RBFOX1: variants seen among roughly 807,000 people sequenced by gnomAD.
RBFOX1 encodes the protein RNA binding protein fox-1 homolog 1.
A neutral mutation model predicts 57.7 loss-of-function variants in RBFOX1; 8 were observed. The ratio of observed to expected loss-of-function variants is 0.14; its 90% CI spans 0.08 to 0.25. The LOEUF is 0.25. RBFOX1 is among the 10% of genes least tolerant of loss of function. The pLI is 1.00. For synonymous variants in RBFOX1, 326 were observed against 222.4 expected, an observed-to-expected ratio of 1.47 and a Z score of -4.15; for missense variants, 611 against 548.5, an observed-to-expected ratio of 1.11 and a Z score of -1.14.
chr16:7,423,237 G>A (rs1201810139), intron 4 of RBFOX1, among the ~76,000 whole-genome samples: 3 of 152,110 alleles, frequency 2.0e-5, no homozygotes, highest in Admixed American at 1.3e-4. Context: ...TGGGGTACCT[G>A]TATCCAACCC....
At position 6,658,371 on chromosome 16, in the gene RBFOX1, G is replaced by A. The variant is rs570318522; in HGVS notation, c.-16+3721G>A. Among the ~76,000 whole-genome samples, 7 of 151,906 alleles carry A rather than the reference G, an allele frequency of 4.6e-5. No individual in the cohort carries two copies. In the South Asian group the frequency reaches 8.3e-4, roughly 18 times the overall value. Reference sequence around the variant, plus strand: ...TTCTCCTGCCTCAGCCTCCTGCCTGGCTAATTTTTGTATTCTTAGTAGAGG... The same window carrying A: ...TTCTCCTGCCTCAGCCTCCTGCCTGACTAATTTTTGTATTCTTAGTAGAGG... On this transcript the variant is annotated intron_variant, in intron 3 of 15. Transcript: ENST00000550418.
intron 4 of RBFOX1, among the ~76,000 whole-genome samples, chr16:6,012,912 A>G (rs1175101300): frequency 2.0e-5 from 3 of 152,236 alleles, no homozygotes; most frequent in African/African-American, 4.8e-5. Flanking sequence ...TGTGATAACA[A>G]TCTTCTAGAT....
At chr16:6,751,500 G>T (rs1183433653) in intron 3 of RBFOX1, among the ~76,000 whole-genome samples, 2 of 152,174 alleles carry the variant, frequency 1.3e-5, no homozygotes, top group African/African-American at 2.4e-5. Flanking sequence ...GCAACTCTTT[G>T]CCTCACTTGT....
intron 5 of RBFOX1, among the ~76,000 whole-genome samples, chr16:7,566,204 A>G (rs776961319): frequency 2.6e-5 from 4 of 152,132 alleles, no homozygotes; most frequent in Non-Finnish European, 5.9e-5. Flanking sequence ...TGAGGGCTTA[A>G]CAGAGGTCAA....
chr16:7,040,183 C>A (rs1042028478), intron 3 of RBFOX1, among the ~76,000 whole-genome samples: 2 of 151,776 alleles, frequency 1.3e-5, no homozygotes, highest in African/African-American at 4.8e-5. Flanking sequence ...ACCATGCTAG[C>A]TAGTTTTCTG....
intron 1 of RBFOX1, among the ~76,000 whole-genome samples, chr16:6,228,019 C>G (rs2097430400): frequency 6.6e-6 from 1 of 152,088 alleles, no homozygotes; most frequent in Non-Finnish European, 1.5e-5. Flanking sequence ...TTCAAACTAG[C>G]CAGGGATATG....
At position 7,218,628 on chromosome 16, in the gene RBFOX1, C is replaced by CTGTGTGTGTG. The variant is rs60333818; in HGVS notation, c.27+166574_27+166583dup. On this transcript the variant is annotated intron_variant, in intron 4 of 15. Coordinates refer to ENST00000550418, the MANE Select transcript of RBFOX1 (RefSeq NM_018723.4). The stretch of plus-strand genomic sequence containing the variant: ...TTGACTTAGGGTTTGTGGGGGTTTG[C>CTGTGTGTGTG]TGTGTGTGTGTGTGTGTGTGTGTGT... 6.6e-3 allele frequency among the ~76,000 whole-genome samples: 845 copies of CTGTGTGTGTG among 127,424 alleles called. 8 individuals are homozygous for CTGTGTGTGTG. The highest frequency in any genetic ancestry group is 0.021 in the Middle Eastern group (5 of 238). 83.6% of individuals were successfully genotyped at this position (127,424 alleles called of 152,430 possible). A position where few individuals can be genotyped will look rare whatever the true frequency, so the allele number is the denominator to read the frequency against.
At chr16:6,832,242 C>A (rs1411892872) in intron 3 of RBFOX1, among the ~76,000 whole-genome samples, 1 of 152,270 alleles carries the variant, frequency 6.6e-6, no homozygotes, top group East Asian at 1.9e-4. Context: ...CTGAAGGGAA[C>A]AACACAGTGG....
At chr16:5,656,291 C>G (rs1046404440) in intron 3 of RBFOX1, among the ~76,000 whole-genome samples, 2 of 152,162 alleles carry the variant, frequency 1.3e-5, no homozygotes, top group African/African-American at 4.8e-5. Flanking sequence ...AAAGTAATGT[C>G]TCTCAGCACT....
chr16:5,893,926 C>T (rs1258953016), intron 4 of RBFOX1, among the ~76,000 whole-genome samples: 1 of 152,102 alleles, frequency 6.6e-6, no homozygotes, highest in African/African-American at 2.4e-5. Context: ...AGATCACCCA[C>T]AGCCATGTCC....
intron 3 of RBFOX1, among the ~76,000 whole-genome samples, chr16:6,848,398 A>T (rs1378794863): frequency 1.3e-5 from 2 of 152,156 alleles, no homozygotes; most frequent in Admixed American, 6.5e-5. Context: ...ACAAAGTTTT[A>T]TGAAAATGCT....
At chr16:7,306,588 T>TGC (rs1250121495) in intron 4 of RBFOX1, among the ~76,000 whole-genome samples, 1 of 151,516 alleles carries the variant, frequency 6.6e-6, no homozygotes, top group East Asian at 1.9e-4. Flanking sequence ...TGCGTGTGTG[T>TGC]GTGTGTGTGT....
intron 3 of RBFOX1, among the ~76,000 whole-genome samples, chr16:6,985,348 A>T (rs2090006215): frequency 6.6e-6 from 1 of 152,196 alleles, no homozygotes; most frequent in South Asian, 2.1e-4. Context: ...CTGCACACAC[A>T]TACATACACA....
intron 4 of RBFOX1, among the ~76,000 whole-genome samples, chr16:7,232,183 C>T (rs367799135): frequency 6.6e-6 from 1 of 152,016 alleles, no homozygotes; most frequent in African/African-American, 2.4e-5. Flanking sequence ...ACCACCAGGC[C>T]CAACTAATTT....
intron 4 of RBFOX1, among the ~76,000 whole-genome samples, chr16:7,343,434 G>T (rs1438289699): frequency 6.6e-6 from 1 of 152,146 alleles, no homozygotes; most frequent in Admixed American, 6.5e-5. Context: ...TGGGATTTGG[G>T]AGCTGGTATT....
intron 3 of RBFOX1, among the ~76,000 whole-genome samples, chr16:7,011,931 C>G (rs930730517): frequency 6.6e-6 from 1 of 152,178 alleles, no homozygotes; most frequent in African/African-American, 2.4e-5. Context: ...CTGCACATTT[C>G]TCTCTGGAAA....
intron 3 of RBFOX1, among the ~76,000 whole-genome samples, chr16:6,716,860 T>C (rs2064933511): frequency 6.6e-6 from 1 of 152,178 alleles, no homozygotes; most frequent in Non-Finnish European, 1.5e-5. Context: ...AACTGAATGT[T>C]TGTATCCTTC....
chr16:6,168,752 A>G (rs2096936354), intron 1 of RBFOX1, among the ~76,000 whole-genome samples: 1 of 151,732 alleles, frequency 6.6e-6, no homozygotes, highest in Non-Finnish European at 1.5e-5. Flanking sequence ...AGTTGTGTTT[A>G]ACTCTAAGAG....
At chr16:6,140,184 T>A (rs958286094) in intron 1 of RBFOX1, among the ~76,000 whole-genome samples, 1 of 144,234 alleles carries the variant, frequency 6.9e-6, no homozygotes, top group Non-Finnish European at 1.5e-5. Context: ...CCACTGGAAA[T>A]GACTTTTTTT....
Sources: allele counts gnomAD v4.1 joint callset (sites outside exome capture counted in the v4.1 genomes callset), GRCh38; gene constraint gnomAD v4.1.1; transcripts MANE v1.5; gene names NCBI Gene and HGNC (gene_info 2026-07-23, HGNC 2026-07-21).